Variants in LY96 observed in about 807,000 individuals in gnomAD.
LY96 encodes the protein myeloid differentiation protein-2.
A neutral mutation model predicts 18.9 loss-of-function variants in LY96; 18 were observed. The observed-to-expected ratio is 0.95, with a 90% CI of 0.66 to 1.41. The LOEUF (loss-of-function observed/expected upper bound fraction) is 1.41, where lower values mean the gene tolerates loss of function less well. Among genes scored for constraint, LY96 ranks in the 40% most tolerant of loss-of-function variants. LY96 has a pLI of 0.00. For missense variants in LY96, 175 were observed against 182.4 expected, an observed-to-expected ratio of 0.96 and a Z score of 0.23; for synonymous variants, 66 against 62.6, an observed-to-expected ratio of 1.06 and a Z score of -0.26.
At chr8:74,062,814 A>G in the LY96 span, among the ~76,000 whole-genome samples, 17 of 152,182 alleles carry the variant, frequency 1.1e-4, no homozygotes, top group African/African-American at 4.1e-4. Context: ...CCATAGTCAT[A>G]TGGTTAGTCA....
chr8:74,068,852 A>G, the LY96 span, among the ~76,000 whole-genome samples: 1 of 152,156 alleles, frequency 6.6e-6, no homozygotes, highest in Non-Finnish European at 1.5e-5. Flanking sequence ...GCTGGAGTGC[A>G]GTGGCGCAAT....
the LY96 span, among the ~76,000 whole-genome samples, chr8:74,093,115 C>G: frequency 6.6e-6 from 1 of 152,228 alleles, no homozygotes; most frequent in Non-Finnish European, 1.5e-5. Context: ...CCAAACAGGT[C>G]TCAGGGCTTT....
the LY96 span, chr8:74,056,211 T>C: frequency 5.7e-6 from 1 of 173,986 alleles, no homozygotes; most frequent in Non-Finnish European, 1.2e-5. Context: ...CATGACAAAA[T>C]GTGTTCCATG....
the LY96 span, chr8:74,052,771 G>C: frequency 1.3e-5 from 2 of 152,160 alleles, no homozygotes; most frequent in Admixed American, 1.3e-4. Flanking sequence ...ACATTAGAAG[G>C]ACTACAAATT....
chr8:73,997,391 CT>C (rs1816172572), intron 1 of LY96, among the ~76,000 whole-genome samples: 1 of 152,214 alleles, frequency 6.6e-6, no homozygotes, highest in South Asian at 2.1e-4. Flanking sequence ...TTAAATTGCC[CT>C]CCCTCTGCTT....
At chr8:74,045,200 G>A in the LY96 span, among the ~76,000 whole-genome samples, 2 of 152,214 alleles carry the variant, frequency 1.3e-5, no homozygotes, top group Admixed American at 6.5e-5. Context: ...GCATTCACAG[G>A]CTTGTCAGTC....
chr8:74,014,110 A>T (rs1816588672), intron 3 of LY96, among the ~76,000 whole-genome samples: 1 of 151,936 alleles, frequency 6.6e-6, no homozygotes, highest in African/African-American at 2.4e-5. Flanking sequence ...AATAGGCAGG[A>T]TACACTGATT....
At chr8:74,015,585 A>T (rs1176247477) in intron 3 of LY96, among the ~76,000 whole-genome samples, 1 of 152,188 alleles carries the variant, frequency 6.6e-6, no homozygotes, top group Non-Finnish European at 1.5e-5. Context: ...TAACTTGATT[A>T]TCTGCAAAGA....
chr8:74,023,526 C>T lies in LY96; in HGVS notation c.332-3263C>T, dbSNP rs557745402. Reference sequence around the variant, plus strand: ...CATCTGGCAGTTTGTGGAAGGAGGACGCTGACAGGCAACTCTCAGGCCCAA... The same window carrying T: ...CATCTGGCAGTTTGTGGAAGGAGGATGCTGACAGGCAACTCTCAGGCCCAA... On this transcript the variant is annotated intron_variant, in intron 3 of 4. Transcript: ENST00000284818. 5.0e-4 allele frequency among the ~76,000 whole-genome samples: 76 copies of T among 152,260 alleles called. 1 individual carries two copies. Among genetic ancestry groups the T allele is most frequent in the African/African-American group, 1.7e-3 (72 of 41,564 alleles).
chr8:74,005,855 A>G (rs1397726930), intron 2 of LY96, among the ~76,000 whole-genome samples: 1 of 152,248 alleles, frequency 6.6e-6, no homozygotes, highest in Non-Finnish European at 1.5e-5. Context: ...AATCTTTATC[A>G]TCATCATTAT....
intron 1 of LY96, among the ~76,000 whole-genome samples, chr8:73,997,564 T>C (rs1816176713): frequency 6.6e-6 from 1 of 152,148 alleles, no homozygotes; most frequent in African/African-American, 2.4e-5. Flanking sequence ...CCTCCAGGAC[T>C]CCTCAGGATC....
At chr8:74,014,812 T>TACACACACAC (rs111566455) in intron 3 of LY96, among the ~76,000 whole-genome samples, 1,459 of 144,744 alleles carry the variant, frequency 0.01, 23 homozygotes, top group African/African-American at 0.034. Context: ...CTCACCAGTT[T>TACACACACAC]ACACACACAC....
At chr8:74,028,620 A>T (rs556284497) in intron 4 of LY96, among the ~76,000 whole-genome samples, 1 of 152,322 alleles carries the variant, frequency 6.6e-6, no homozygotes, top group South Asian at 2.1e-4. Context: ...TGCGTGACAT[A>T]TCTAGTAATG....
chr8:74,044,464 T>C, the LY96 span, among the ~76,000 whole-genome samples: 1 of 152,208 alleles, frequency 6.6e-6, no homozygotes, highest in Non-Finnish European at 1.5e-5. Context: ...GCTGGGATTA[T>C]AGCTGTGAGC....
intron 1 of LY96, among the ~76,000 whole-genome samples, chr8:74,003,455 C>A (rs533186675): frequency 5.9e-5 from 9 of 152,322 alleles, no homozygotes; most frequent in Admixed American, 1.3e-4. Context: ...TGCTATGCAA[C>A]CCAGATGTCT....
At chr8:73,999,297 A>G (rs568993445) in intron 1 of LY96, among the ~76,000 whole-genome samples, 1 of 151,288 alleles carries the variant, frequency 6.6e-6, no homozygotes, top group South Asian at 2.1e-4. Context: ...ACAAGATCTC[A>G]ATCTGTTGCC....
At chr8:73,992,836 C>CTG (rs34327741) in intron 1 of LY96, among the ~76,000 whole-genome samples, 3,434 of 141,762 alleles carry the variant, frequency 0.024, 53 homozygotes, top group East Asian at 0.052. Flanking sequence ...AATTATGCCA[C>CTG]TGTGTGTGTG....
At chr8:74,085,644 C>T in the LY96 span, among the ~76,000 whole-genome samples, 1 of 152,204 alleles carries the variant, frequency 6.6e-6, no homozygotes, top group African/African-American at 2.4e-5. Flanking sequence ...TGGCCTTTTT[C>T]CTGTTCCTCA....
chr8:74,025,025 C>T (rs1457130838), intron 3 of LY96, among the ~76,000 whole-genome samples: 1 of 152,136 alleles, frequency 6.6e-6, no homozygotes, highest in African/African-American at 2.4e-5. Context: ...TAAGGCTTCA[C>T]CATGTTGCCC....
Sources: gnomAD v4.1 joint callset for allele counts (sites outside exome capture counted in the v4.1 genomes callset) on GRCh38, gnomAD v4.1.1 for gene constraint, MANE v1.5 for transcripts, NCBI Gene and HGNC (gene_info 2026-07-23, HGNC 2026-07-21) for gene names.